SEMA3A: variants seen among roughly 807,000 people sequenced by gnomAD.
The protein encoded by SEMA3A is semaphorin-3A.
Under a neutral mutation model 97.9 loss-of-function variants are expected in SEMA3A, and 29 were observed. The observed-to-expected ratio is 0.30, with a 90% CI of 0.22 to 0.40. The LOEUF is 0.40. SEMA3A is among the 10% of genes least tolerant of loss of function. The pLI is 1.00. For synonymous variants in SEMA3A, 321 were observed against 323.7 expected (o/e 0.99, Z 0.09); for missense variants, 763 against 951.3 (o/e 0.80, Z 2.60).
intron 15 of SEMA3A, among the ~76,000 whole-genome samples, chr7:83,976,117 C>T (rs1474977585): frequency 1.8e-4 from 27 of 152,182 alleles, no homozygotes. Context: ...CGTGAGCATT[C>T]GTAAATCAAA....
chr7:84,170,616 T>C (rs1797356702), intron 1 of SEMA3A, among the ~76,000 whole-genome samples: 2 of 151,994 alleles, frequency 1.3e-5, no homozygotes, highest in African/African-American at 2.4e-5. Flanking sequence ...TTAGGGTATT[T>C]TGAATAAAGT....
intron 6 of SEMA3A, among the ~76,000 whole-genome samples, chr7:84,017,819 C>G (rs1468649096): frequency 6.6e-6 from 1 of 152,096 alleles, no homozygotes; most frequent in Non-Finnish European, 1.5e-5. Context: ...TTTATTCAAT[C>G]CGAACCTTCA....
At chr7:84,083,359 T>C (rs550265906) in intron 4 of SEMA3A, among the ~76,000 whole-genome samples, 13 of 152,134 alleles carry the variant, frequency 8.5e-5, no homozygotes, top group East Asian at 1.9e-4. Context: ...AAATGTGATG[T>C]TTTGATGCAA....
At chr7:84,109,839 T>G (rs1795223421) in intron 4 of SEMA3A, among the ~76,000 whole-genome samples, 1 of 152,220 alleles carries the variant, frequency 6.6e-6, no homozygotes, top group Non-Finnish European at 1.5e-5. Context: ...CAAACTGCTT[T>G]CAACATTAGC....
At position 84,209,388 on chromosome 7, in the gene SEMA3A, A is replaced by T. The variant is rs1584127637; in HGVS notation, c.-82-14720T>A. ...TGCATAGATTATATTATTAAATAAC[A>T]AATAAAGAGGCAGTACAGTATGATG... is the stretch of plus-strand genomic sequence containing the variant. On this transcript the variant is annotated intron_variant, in intron 3 of 3. Coordinates refer to the SEMA3A transcript ENST00000424555. 3.9e-5 allele frequency among the ~76,000 whole-genome samples: 6 copies of T among 152,302 alleles called. No homozygotes were observed. In the South Asian group the frequency reaches 1.2e-3, roughly 32 times the overall value.
At chr7:84,488,822 T>C (rs1053571366) in intron 1 of SEMA3A, among the ~76,000 whole-genome samples, 3 of 152,188 alleles carry the variant, frequency 2.0e-5, no homozygotes, top group African/African-American at 7.2e-5. Flanking sequence ...CTTTATTTGA[T>C]TGGGCATTCC....
At chr7:84,121,162 A>G (rs1795601866) in intron 3 of SEMA3A, among the ~76,000 whole-genome samples, 1 of 152,206 alleles carries the variant, frequency 6.6e-6, no homozygotes, top group African/African-American at 2.4e-5. Flanking sequence ...CTTCAGAGAA[A>G]AACACTATCG....
At chr7:84,061,318 T>C (rs551107960) in intron 4 of SEMA3A, among the ~76,000 whole-genome samples, 1 of 152,098 alleles carries the variant, frequency 6.6e-6, no homozygotes, top group Non-Finnish European at 1.5e-5. Context: ...TGTCTCAAGG[T>C]AGAATATGTG....
chr7:84,203,526 A>ATATATATATATTTT (rs372380784), intron 3 of SEMA3A, among the ~76,000 whole-genome samples: 62 of 25,652 alleles, frequency 2.4e-3, no homozygotes, highest in Non-Finnish European at 3.8e-3. Context: ...ATATATATAT[A>ATATATATATATTTT]TTTTTTTTTT....
At chr7:84,425,212 T>TA (rs1804767605) in intron 1 of SEMA3A, among the ~76,000 whole-genome samples, 1 of 118,106 alleles carries the variant, frequency 8.5e-6, no homozygotes, top group African/African-American at 3.5e-5. Flanking sequence ...TTTACGTATT[T>TA]ATATATACAT....
At chr7:84,347,370 A>G (rs779933838) in intron 2 of SEMA3A, among the ~76,000 whole-genome samples, 13 of 152,096 alleles carry the variant, frequency 8.5e-5, no homozygotes, top group Non-Finnish European at 1.8e-4. Context: ...CTTAGCAATA[A>G]TAAGAACAGC....
Position 84,060,502 on chromosome 7 carries a change from T to G in SEMA3A, c.510A>C (p.Pro170=), listed in dbSNP as rs758156015. ...SHFENGRGKS[P]YDPKLLTASL... is the part of the protein sequence containing the mutation. ...ATGCTGTCAGCAGCTTAGGGTCATA[T>G]GGACTCTTCCCACGGCCGTTTTCAA... The change falls in exon 5 of 17, where the codon CCA becomes CCC. Residue 170 remains proline (P), a synonymous_variant. Coordinates refer to ENST00000265362, the MANE Select transcript of SEMA3A (RefSeq NM_006080.3). The G allele has an allele frequency of 6.9e-6, 11 of 1,597,194 alleles. No individual in the cohort carries two copies. The highest frequency in any genetic ancestry group is 1.4e-5 in the African/African-American group (1 of 73,804).
intron 3 of SEMA3A, among the ~76,000 whole-genome samples, chr7:84,235,025 G>A (rs1799201042): frequency 1.3e-5 from 2 of 152,036 alleles, no homozygotes; most frequent in African/African-American, 4.8e-5. Context: ...CTTGTCTAGA[G>A]CGCAACTTCA....
At chr7:84,027,467 A>C (rs1257734222) in intron 6 of SEMA3A, among the ~76,000 whole-genome samples, 1 of 152,218 alleles carries the variant, frequency 6.6e-6, no homozygotes, top group East Asian at 1.9e-4. Context: ...CCAGCCAACC[A>C]GCACTAGTTT....
At chr7:84,449,839 T>C (rs1249896325) in intron 1 of SEMA3A, among the ~76,000 whole-genome samples, 2 of 152,194 alleles carry the variant, frequency 1.3e-5, no homozygotes, top group Non-Finnish European at 2.9e-5. Flanking sequence ...GCAATATTTG[T>C]CATTTTGTGG....
intron 13 of SEMA3A, 47 bp from the exon 14 acceptor site, chr7:83,981,525 A>T: frequency 6.9e-7 from 1 of 1,446,504 alleles, no homozygotes; most frequent in South Asian, 1.4e-5. Context: ...TTGTCTTTTA[A>T]ATCTCTTGTT....
chr7:84,358,111 A>C (rs996249251), intron 2 of SEMA3A, among the ~76,000 whole-genome samples: 1 of 151,990 alleles, frequency 6.6e-6, no homozygotes, highest in African/African-American at 2.4e-5. Context: ...ACGGTAGTTT[A>C]TTTTGCTATG....
At chr7:84,200,700 CA>C (rs1373145403) in intron 3 of SEMA3A, among the ~76,000 whole-genome samples, 2 of 151,950 alleles carry the variant, frequency 1.3e-5, no homozygotes, top group African/African-American at 4.8e-5. Context: ...GTCATCACTA[CA>C]GCTACTTTGT....
intron 1 of SEMA3A, among the ~76,000 whole-genome samples, chr7:84,166,599 G>A (rs1379841131): frequency 1.0e-4 from 15 of 150,606 alleles, no homozygotes; most frequent in Admixed American, 1.0e-3. Flanking sequence ...CCGGGGGGGC[G>A]CAGTGGCTCA....
Sources: allele counts gnomAD v4.1 joint callset (sites outside exome capture counted in the v4.1 genomes callset), GRCh38; gene constraint gnomAD v4.1.1; transcripts MANE v1.5; gene names NCBI Gene and HGNC (gene_info 2026-07-23, HGNC 2026-07-21).